APLF: variants seen among roughly 807,000 people sequenced by gnomAD.
The protein encoded by APLF is aprataxin and PNKP like factor, also known as aprataxin and PNK-like factor.
In APLF, 61 loss-of-function variants were observed where a neutral mutation model predicts 55.6. That is an observed-to-expected ratio of 1.10 (90% confidence interval 0.89 to 1.36). The LOEUF (loss-of-function observed/expected upper bound fraction) is 1.36. Ranked by LOEUF, APLF falls within the 40% of genes most tolerant of loss-of-function variation. The pLI is 0.00. For synonymous variants in APLF, 207 were observed against 214.8 expected, an observed-to-expected ratio of 0.96 and a Z score of 0.32; for missense variants, 611 against 602.5, an observed-to-expected ratio of 1.01 and a Z score of -0.15.
intron 8 of APLF, among the ~76,000 whole-genome samples, chr2:68,559,688 C>T (rs947308938): frequency 1.3e-5 from 2 of 152,042 alleles, no homozygotes; most frequent in Admixed American, 1.3e-4. Flanking sequence ...TTCTTAGGTC[C>T]TCTACCTTTG....
intron 5 of APLF, among the ~76,000 whole-genome samples, chr2:68,517,632 C>CAAT (rs70954308): frequency 0.095 from 13,609 of 143,532 alleles, 770 homozygotes; most frequent in Middle Eastern, 0.19. Flanking sequence ...TAACATGTAA[C>CAAT]AATATATCAC....
intron 1 of APLF, among the ~76,000 whole-genome samples, chr2:68,470,481 G>A (rs1675584276): frequency 6.6e-6 from 1 of 152,086 alleles, no homozygotes; most frequent in Non-Finnish European, 1.5e-5. Context: ...CTGGATAAAT[G>A]GTACAAGAGA....
intron 3 of APLF, among the ~76,000 whole-genome samples, chr2:68,511,906 G>T (rs781753679): frequency 2.0e-5 from 3 of 151,654 alleles, no homozygotes; most frequent in Non-Finnish European, 4.4e-5. Context: ...TCTTGCCATT[G>T]ACATTGAAGG....
intron 6 of APLF, among the ~76,000 whole-genome samples, chr2:68,535,817 A>C (rs1670370633): frequency 6.6e-6 from 1 of 152,126 alleles, no homozygotes; most frequent in Non-Finnish European, 1.5e-5. Flanking sequence ...ATACAAAGGG[A>C]ATTGAGAGGC....
At chr2:68,517,140 AAT>A (rs1012795070) in intron 5 of APLF, among the ~76,000 whole-genome samples, 34 of 125,286 alleles carry the variant, frequency 2.7e-4, no homozygotes, top group Admixed American at 8.9e-4. Context: ...ATAACATATT[AAT>A]ATATGTTATT....
At chr2:68,522,264 C>T (rs865796828) in intron 5 of APLF, among the ~76,000 whole-genome samples, 1 of 151,630 alleles carries the variant, frequency 6.6e-6, no homozygotes, top group Non-Finnish European at 1.5e-5. Flanking sequence ...TCAGGAATAA[C>T]TTGAATTATT....
At chr2:68,496,248 C>G (rs556145048) in intron 2 of APLF, among the ~76,000 whole-genome samples, 1 of 152,064 alleles carries the variant, frequency 6.6e-6, no homozygotes, top group East Asian at 1.9e-4. Context: ...ACTACAGGCG[C>G]GTGTCACCAC....
intron 8 of APLF, among the ~76,000 whole-genome samples, chr2:68,546,180 T>A (rs1312929723): frequency 2.6e-5 from 4 of 152,068 alleles, no homozygotes; most frequent in Non-Finnish European, 5.9e-5. Flanking sequence ...AACTTGAAAA[T>A]TTTTGGAGAA....
In APLF at chr2:68,502,911, C is replaced by T. The variant is rs377615147; in HGVS notation, c.341+8C>T. 31 of 1,592,816 alleles carry T rather than the reference C, an allele frequency of 1.9e-5. No individual in the cohort carries two copies. Among genetic ancestry groups the T allele is most frequent in the Non-Finnish European group, 2.6e-5 (30 of 1,172,702 alleles). ...AATGCAATGTACCTTAAGGTAAGTGCCTGATGAAATGAGAGTAAGAATGTT... is the reference window on the plus strand; with the variant it reads ...AATGCAATGTACCTTAAGGTAAGTGTCTGATGAAATGAGAGTAAGAATGTT... On this transcript the variant is annotated splice_region_variant and intron_variant, in intron 3 of 9. Coordinates refer to ENST00000303795, the MANE Select transcript of APLF (RefSeq NM_173545.3).
chr2:68,487,416 T>C (rs72900066), intron 1 of APLF, among the ~76,000 whole-genome samples: 12,565 of 152,124 alleles, frequency 0.083, 1,546 homozygotes, highest in African/African-American at 0.26. Flanking sequence ...CTACTACTTA[T>C]TGGTTGTGTA....
chr2:68,556,461 A>T (rs545373122), intron 8 of APLF, among the ~76,000 whole-genome samples: 1 of 152,326 alleles, frequency 6.6e-6, no homozygotes, highest in African/African-American at 2.4e-5. Context: ...GGATTTCATT[A>T]GTTTAAGGCA....
chr2:68,475,500 A>G (rs1224886076), intron 1 of APLF, among the ~76,000 whole-genome samples: 1 of 152,192 alleles, frequency 6.6e-6, no homozygotes, highest in East Asian at 1.9e-4. Context: ...TTCTTATGGG[A>G]AAGCATATTC....
intron 8 of APLF, among the ~76,000 whole-genome samples, chr2:68,546,182 T>G (rs1670697765): frequency 6.6e-6 from 1 of 152,020 alleles, no homozygotes; most frequent in Non-Finnish European, 1.5e-5. Context: ...CTTGAAAATT[T>G]TTGGAGAAAT....
chr2:68,469,590 A>G (rs991959821), intron 1 of APLF, among the ~76,000 whole-genome samples: 4 of 152,212 alleles, frequency 2.6e-5, no homozygotes, highest in African/African-American at 9.6e-5. Context: ...TATGAATGAC[A>G]TCCTAAGTGT....
intron 6 of APLF, among the ~76,000 whole-genome samples, chr2:68,537,659 C>A (rs1006062721): frequency 6.6e-6 from 1 of 152,128 alleles, no homozygotes; most frequent in Admixed American, 6.6e-5. Context: ...CCTGAGCCAC[C>A]GTGCCTGGCC....
At chr2:68,508,672 T>C (rs1323233931) in intron 3 of APLF, among the ~76,000 whole-genome samples, 1 of 151,920 alleles carries the variant, frequency 6.6e-6, no homozygotes, top group Non-Finnish European at 1.5e-5. Context: ...TTTAGTGCCA[T>C]CCCCATCAAG....
intron 5 of APLF, 115 bp from the exon 6 acceptor site, chr2:68,525,946 C>T: frequency 1.0e-6 from 1 of 995,266 alleles, no homozygotes; most frequent in Non-Finnish European, 1.4e-6. Flanking sequence ...GACCGGGTTT[C>T]ACCATGTTGG....
intron 9 of APLF, 117 bp downstream of exon 9, chr2:68,567,504 AATTGCTGATTTTAATGATTTTTCTTAT>A: frequency 2.5e-6 from 2 of 807,270 alleles, no homozygotes; most frequent in South Asian, 3.9e-5. Flanking sequence ...GAATTTGTTG[AATTGCTGATTTTAATGATTTTTCTTAT>A]ATTAAAAAAA....
At chr2:68,533,172 A>G (rs1670303621) in intron 6 of APLF, among the ~76,000 whole-genome samples, 1 of 152,156 alleles carries the variant, frequency 6.6e-6, no homozygotes. Context: ...TCCCTCATGT[A>G]AGAATGCAGT....
Sources: allele counts gnomAD v4.1 joint callset (sites outside exome capture counted in the v4.1 genomes callset), GRCh38; gene constraint gnomAD v4.1.1; transcripts MANE v1.5; gene names NCBI Gene and HGNC (gene_info 2026-07-23, HGNC 2026-07-21).